BTBD9: variants seen among roughly 807,000 people sequenced by gnomAD.
The protein encoded by BTBD9 is BTB/POZ domain-containing protein 9.
BTBD9 carries 49 observed loss-of-function variants against 64.3 expected under a neutral mutation model. The ratio of observed to expected loss-of-function variants is 0.76; its 90% CI spans 0.61 to 0.97. BTBD9 has a LOEUF of 0.97. Among genes scored for constraint, BTBD9 ranks in the 50% least tolerant of loss-of-function variants. BTBD9 has a pLI of 0.00. For synonymous variants in BTBD9, 260 were observed against 274.7 expected (o/e 0.95, Z 0.53); for missense variants, 598 against 762.1 (o/e 0.78, Z 2.53).
intron 8 of BTBD9, among the ~76,000 whole-genome samples, chr6:38,267,310 G>C (rs1765044519): frequency 6.6e-6 from 1 of 152,226 alleles, no homozygotes; most frequent in African/African-American, 2.4e-5. Context: ...TATTAGGAGG[G>C]CGATAAGAAC....
intron 6 of BTBD9, among the ~76,000 whole-genome samples, chr6:38,349,142 C>G (rs1037084009): frequency 3.3e-5 from 5 of 152,142 alleles, no homozygotes; most frequent in African/African-American, 1.2e-4. Flanking sequence ...CCTGCCTCAG[C>G]CTTCCAAAGT....
intron 6 of BTBD9, among the ~76,000 whole-genome samples, chr6:38,508,558 G>C (rs906863013): frequency 6.6e-6 from 1 of 152,118 alleles, no homozygotes; most frequent in South Asian, 2.1e-4. Context: ...AGAGCAGCAG[G>C]AGCGATTATA....
In BTBD9 at chr6:38,580,397, T is replaced by C. The variant is rs1776234171; in HGVS notation, c.855A>G (p.Gln285=). 2 of 1,614,110 alleles carry C rather than the reference T, an allele frequency of 1.2e-6. No individual in the cohort carries two copies. Among genetic ancestry groups the C allele is most frequent in the Non-Finnish European group, 1.7e-6 (2 of 1,180,036 alleles). Residue 285 remains glutamine, a synonymous_variant, in exon 5 of 11, where the codon CAA becomes CAG. Transcript: ENST00000481247. ...CTGATTTCAGCTCCCCCTTTACAAC[T>C]TGGGCTCCATACTTCATAGTTGCAA... is the stretch of plus-strand genomic sequence containing the variant. The part of the protein sequence containing the change: ...ENIATMKYGA[Q]VVKGELKSAL...
Position 38,228,348 on chromosome 6 carries a change from C to G in BTBD9, c.1562+28061G>C, listed in dbSNP as rs922640624. 3.3e-4 allele frequency among the ~76,000 whole-genome samples: 23 copies of G among 70,366 alleles called. 1 individual carries two copies. The highest frequency in any genetic ancestry group is 1.8e-3 in the Admixed American group (12 of 6,736). 46.2% of individuals were successfully genotyped at this position (70,366 alleles called of 152,430 possible). A position where few individuals can be genotyped will look rare whatever the true frequency, so the allele number is the denominator to read the frequency against. Reference sequence around the variant, plus strand: ...TGACAGGGCAAGACCCTGTCCCCCCCCCCAAAAAAAAAAAAAAAAAAAGAG... The same window carrying G: ...TGACAGGGCAAGACCCTGTCCCCCCGCCCAAAAAAAAAAAAAAAAAAAGAG... On this transcript the variant is annotated intron_variant, in intron 9 of 10. Transcript: ENST00000481247.
intron 6 of BTBD9, among the ~76,000 whole-genome samples, chr6:38,361,236 C>T (rs1364816149): frequency 6.6e-6 from 1 of 152,150 alleles, no homozygotes; most frequent in African/African-American, 2.4e-5. Flanking sequence ...TACCCATAGT[C>T]AGACATAAAT....
intron 8 of BTBD9, among the ~76,000 whole-genome samples, chr6:38,286,925 T>C (rs1561974288): frequency 6.6e-6 from 1 of 151,194 alleles, no homozygotes; most frequent in Non-Finnish European, 1.5e-5. Flanking sequence ...CTACTAAAAA[T>C]ACAAAAATTA....
At position 38,533,697 on chromosome 6, in the gene BTBD9, T is replaced by C. The variant is rs186592406; in HGVS notation, c.1154+43903A>G. The stretch of plus-strand genomic sequence containing the variant: ...TTAAAATAATATCAAGCATCTTTTC[T>C]GATCACAATGGAATAAAACAAATCA... On this transcript the variant is annotated intron_variant, in intron 6 of 10. Transcript: ENST00000481247. Among the ~76,000 whole-genome samples the C allele has an allele frequency of 1.6e-3, 244 of 152,290 alleles. 2 individuals carry two copies. The highest frequency in any genetic ancestry group is 1.6e-3 in the Non-Finnish European group (110 of 68,006).
At chr6:38,301,396 C>T (rs1762397461) in intron 7 of BTBD9, among the ~76,000 whole-genome samples, 1 of 152,104 alleles carries the variant, frequency 6.6e-6, no homozygotes, top group Admixed American at 6.6e-5. Context: ...GGGAGGATTC[C>T]CTCTTTTTCT....
intron 6 of BTBD9, among the ~76,000 whole-genome samples, chr6:38,403,124 G>GAAAAAAC (rs1582372250): frequency 9.6e-6 from 1 of 104,288 alleles, no homozygotes; most frequent in African/African-American, 5.0e-5. Flanking sequence ...AAAGAAAAAA[G>GAAAAAAC]AAAAGAAGAG....
At chr6:38,457,578 C>A (rs1436863179) in intron 6 of BTBD9, among the ~76,000 whole-genome samples, 1 of 151,620 alleles carries the variant, frequency 6.6e-6, no homozygotes, top group African/African-American at 2.4e-5. Context: ...TGGAGAATAA[C>A]TGATTGGAGG....
At chr6:38,314,208 A>G (rs1278594852) in intron 7 of BTBD9, among the ~76,000 whole-genome samples, 1 of 150,682 alleles carries the variant, frequency 6.6e-6, no homozygotes, top group Non-Finnish European at 1.5e-5. Flanking sequence ...TTATTTATTT[A>G]TTTTTGAGCT....
chr6:38,367,799 CA>C (rs575025737), intron 6 of BTBD9, among the ~76,000 whole-genome samples: 354 of 84,146 alleles, frequency 4.2e-3, no homozygotes, highest in South Asian at 4.8e-3. Flanking sequence ...CCAGAAATGG[CA>C]AAAAAAAAAA....
At chr6:38,523,774 C>T (rs1218819224) in intron 6 of BTBD9, among the ~76,000 whole-genome samples, 3 of 152,152 alleles carry the variant, frequency 2.0e-5, no homozygotes, top group Non-Finnish European at 2.9e-5. Flanking sequence ...CACAATAATG[C>T]TCTAAGTCAG....
intron 1 of BTBD9, among the ~76,000 whole-genome samples, chr6:38,629,927 G>A (rs1778305886): frequency 6.6e-6 from 1 of 151,994 alleles, no homozygotes; most frequent in African/African-American, 2.4e-5. Flanking sequence ...AGGAGACCAG[G>A]CCAGGCGTGG....
chr6:38,304,057 G>A (rs1027447897), intron 7 of BTBD9, among the ~76,000 whole-genome samples: 3 of 150,278 alleles, frequency 2.0e-5, no homozygotes, highest in Non-Finnish European at 4.4e-5. Context: ...TCTACAAAAC[G>A]AGCCAAACAG....
intron 1 of BTBD9, among the ~76,000 whole-genome samples, chr6:38,603,491 C>T (rs907379692): frequency 1.3e-5 from 2 of 152,204 alleles, no homozygotes; most frequent in African/African-American, 4.8e-5. Flanking sequence ...AATGCTGGAA[C>T]GTTATAATTG....
At chr6:38,352,002 T>C (rs1764535030) in intron 6 of BTBD9, among the ~76,000 whole-genome samples, 1 of 152,198 alleles carries the variant, frequency 6.6e-6, no homozygotes, top group African/African-American at 2.4e-5. Flanking sequence ...ATTTAATTCA[T>C]GTACTTTTTT....
chr6:38,634,126 A>G (rs1778450529), intron 1 of BTBD9, among the ~76,000 whole-genome samples: 1 of 152,222 alleles, frequency 6.6e-6, no homozygotes, highest in Non-Finnish European at 1.5e-5. Flanking sequence ...TAGGCAGAAT[A>G]GTGAGTAGCT....
intron 4 of BTBD9, among the ~76,000 whole-genome samples, chr6:38,585,660 T>C (rs1435685574): frequency 6.6e-6 from 1 of 152,170 alleles, no homozygotes; most frequent in Admixed American, 6.6e-5. Context: ...ACTGTCTTTA[T>C]GTGATAGATG....
Sources: allele counts gnomAD v4.1 joint callset (sites outside exome capture counted in the v4.1 genomes callset), GRCh38; gene constraint gnomAD v4.1.1; transcripts MANE v1.5; gene names NCBI Gene and HGNC (gene_info 2026-07-23, HGNC 2026-07-21).